The following SOS1 variants were observed in gnomAD, a reference collection of about 807,000 sequenced individuals.
SOS1 encodes SOS Ras/Rac guanine nucleotide exchange factor 1, also known as son of sevenless homolog 1.
In SOS1, 25 loss-of-function variants were observed where a neutral mutation model predicts 157.6. That is an observed-to-expected ratio of 0.16 (90% CI 0.12 to 0.22). The LOEUF is 0.22. Among genes scored for constraint, SOS1 ranks in the 10% least tolerant of loss-of-function variants. The probability of loss-of-function intolerance (pLI) is 1.00; values close to 1 mark genes in which losing one functional copy is unlikely to be tolerated. For synonymous variants in SOS1, 528 were observed against 534.0 expected, an observed-to-expected ratio of 0.99 and a Z score of 0.16; for missense variants, 1,237 against 1,599.1, an observed-to-expected ratio of 0.77 and a Z score of 3.86.
intron 17 of SOS1, among the ~76,000 whole-genome samples, chr2:39,002,844 C>G (rs1192016170): frequency 6.6e-6 from 1 of 152,030 alleles, no homozygotes; most frequent in African/African-American, 2.4e-5. Flanking sequence ...GCAGGTGGAT[C>G]TCTTGAGCTC....
At chr2:39,116,487 T>C (rs1192810679) in intron 1 of SOS1, among the ~76,000 whole-genome samples, 1 of 152,256 alleles carries the variant, frequency 6.6e-6, no homozygotes, top group African/African-American at 2.4e-5. Flanking sequence ...ACTTTTCTCC[T>C]CACTTTACGT....
intron 1 of SOS1, among the ~76,000 whole-genome samples, chr2:39,118,558 G>A (rs1057156345): frequency 1.3e-5 from 2 of 152,128 alleles, no homozygotes; most frequent in Admixed American, 6.5e-5. Flanking sequence ...AAAGTCAAAA[G>A]CTGTTTTATG....
chr2:39,053,635 C>G (rs75222451), intron 5 of SOS1, among the ~76,000 whole-genome samples: 1 of 152,156 alleles, frequency 6.6e-6, no homozygotes, highest in South Asian at 2.1e-4. Flanking sequence ...AGCACTGTTT[C>G]TCTTATCAGT....
At chr2:38,991,574 G>T (rs912208114) in intron 20 of SOS1, among the ~76,000 whole-genome samples, 1 of 152,158 alleles carries the variant, frequency 6.6e-6, no homozygotes, top group East Asian at 1.9e-4. Flanking sequence ...CACCTCAAAG[G>T]TGGACCTGGC....
chr2:39,024,230 A>G, intron 8 of SOS1, 93 bp from the exon 9 acceptor site: 1 of 800,300 alleles, frequency 1.2e-6, no homozygotes, highest in Non-Finnish European at 1.9e-6. Flanking sequence ...CATTTATTCA[A>G]CTGTCACAAT....
chr2:38,986,541 C>G (rs1010977284), intron 22 of SOS1, among the ~76,000 whole-genome samples: 2 of 151,832 alleles, frequency 1.3e-5, no homozygotes, highest in African/African-American at 4.8e-5. Context: ...TCATGGCTCA[C>G]TGTAGCCTCA....
intron 1 of SOS1, among the ~76,000 whole-genome samples, chr2:39,084,635 A>T (rs1672310658): frequency 6.6e-6 from 1 of 152,328 alleles, no homozygotes; most frequent in African/African-American, 2.4e-5. Context: ...AAATTTAATT[A>T]AAAATTTTCA....
intron 6 of SOS1, among the ~76,000 whole-genome samples, chr2:39,049,332 T>C (rs1293869177): frequency 6.6e-6 from 1 of 151,796 alleles, no homozygotes; most frequent in Non-Finnish European, 1.5e-5. Flanking sequence ...TTGAACTGGG[T>C]CCAGCAAATG....
chr2:39,103,739 A>G (rs1479644208), intron 1 of SOS1, among the ~76,000 whole-genome samples: 1 of 152,240 alleles, frequency 6.6e-6, no homozygotes, highest in Admixed American at 6.5e-5. Context: ...TTGGCAATGA[A>G]TTCTTAAGAT....
At chr2:39,028,726 TATACACCCAAGAA>T (rs1033869329) in intron 8 of SOS1, among the ~76,000 whole-genome samples, 3 of 152,162 alleles carry the variant, frequency 2.0e-5, no homozygotes, top group African/African-American at 7.2e-5. Flanking sequence ...AATGACAAAG[TATACACCCAAGAA>T]ATATACATTG....
intron 1 of SOS1, among the ~76,000 whole-genome samples, chr2:39,106,602 C>CAAACA (rs1553370861): frequency 2.9e-5 from 4 of 137,552 alleles, no homozygotes; most frequent in African/African-American, 1.2e-4. Flanking sequence ...AAAAAAAAAA[C>CAAACA]AAAAAAAAAA....
intron 12 of SOS1, 54 bp from the exon 13 acceptor site, chr2:39,013,617 C>T (rs560278306): frequency 5.3e-4 from 606 of 1,149,878 alleles, no homozygotes; most frequent in Non-Finnish European, 7.0e-4. Context: ...AAATGTTTAT[C>T]ACAATGCACA....
intron 1 of SOS1, among the ~76,000 whole-genome samples, chr2:39,114,209 C>T (rs571475995): frequency 7.9e-5 from 12 of 152,314 alleles, no homozygotes; most frequent in African/African-American, 2.9e-4. Flanking sequence ...AATCCTCCCA[C>T]CTCAGCCTCC....
chr2:39,086,743 G>C (rs1392684400), intron 1 of SOS1, among the ~76,000 whole-genome samples: 1 of 152,102 alleles, frequency 6.6e-6, no homozygotes, highest in Non-Finnish European at 1.5e-5. Flanking sequence ...GAAAGGAAGG[G>C]AGTCTGCTGA....
intron 8 of SOS1, among the ~76,000 whole-genome samples, chr2:39,032,250 A>G (rs1670186895): frequency 6.6e-6 from 1 of 152,100 alleles, no homozygotes; most frequent in Non-Finnish European, 1.5e-5. Flanking sequence ...CTCCTAACTG[A>G]AATTTTGTGT....
chr2:39,030,825 G>A lies in SOS1; in HGVS notation c.1074+4387C>T, dbSNP rs1346525541. On this transcript the variant is annotated intron_variant, in intron 8 of 22. Transcript: ENST00000402219. ...AGATGAGATCATCTTGGATTAGGGT[G>A]AGCCCTAAATCCACTGACTTGGTGT... Among the ~76,000 whole-genome samples the A allele has an allele frequency of 2.0e-5, 3 of 152,130 alleles. No individual in the cohort carries two copies. The East Asian group carries it at 5.8e-4, about 29-fold the overall frequency.
intron 19 of SOS1, 97 bp from the exon 20 acceptor site, chr2:38,995,484 A>G (rs752307854): frequency 7.1e-5 from 63 of 893,608 alleles, no homozygotes; most frequent in Middle Eastern, 3.1e-4. Flanking sequence ...AATATACAGG[A>G]AAATCATAAA....
upstream of SOS1, among the ~76,000 whole-genome samples, chr2:39,123,782 G>C (rs1673979056): frequency 6.6e-6 from 1 of 152,250 alleles, no homozygotes; most frequent in Admixed American, 6.5e-5. Flanking sequence ...ATGCAGGAAA[G>C]TTCCAGGACT....
chr2:38,987,413 C>T (rs1252605565), intron 22 of SOS1, 60 bp downstream of exon 22: 25 of 843,992 alleles, frequency 3.0e-5, no homozygotes, highest in Admixed American at 1.9e-4. Flanking sequence ...ACTAGACAGC[C>T]GTTTATTATA....
Sources: allele counts gnomAD v4.1 joint callset (sites outside exome capture counted in the v4.1 genomes callset), GRCh38; gene constraint gnomAD v4.1.1; transcripts MANE v1.5; gene names NCBI Gene and HGNC (gene_info 2026-07-23, HGNC 2026-07-21).